CCSER2: variants seen among roughly 807,000 people sequenced by gnomAD.
The protein encoded by CCSER2 is serine-rich coiled-coil domain-containing protein 2.
A neutral mutation model predicts 92.3 loss-of-function variants in CCSER2; 46 were observed. The ratio of observed to expected loss-of-function variants is 0.50; its 90% CI spans 0.39 to 0.64. The LOEUF (loss-of-function observed/expected upper bound fraction) is 0.64, where lower values mean the gene tolerates loss of function less well. Ranked by LOEUF, CCSER2 falls within the 30% of genes least tolerant of loss-of-function variation. The pLI, the probability that CCSER2 is intolerant of heterozygous loss-of-function variation, is 0.00. For synonymous variants in CCSER2, 433 were observed against 431.4 expected (o/e 1.00, Z -0.04); for missense variants, 1,244 against 1,238.9 (o/e 1.00, Z -0.06).
Position 84,396,843 on chromosome 10 carries a change from A to G in CCSER2, c.1615-20928A>G, listed in dbSNP as rs539953329. Among the ~76,000 whole-genome samples, 17 of 152,160 alleles carry G rather than the reference A, an allele frequency of 1.1e-4. No homozygotes were observed. The South Asian group carries it at 2.9e-3, about 26-fold the overall frequency. ...TGAGCCACCACACCTGGCCGAGATC[A>G]TCCTTATTCTTTTTGTACCGCTGTA... is the stretch of plus-strand genomic sequence containing the variant. On this transcript the variant is annotated intron_variant, in intron 3 of 9. Coordinates refer to ENST00000372088, the MANE Select transcript of CCSER2 (RefSeq NM_001284240.2).
At chr10:84,445,269 T>G (rs575558844) in intron 6 of CCSER2, among the ~76,000 whole-genome samples, 1 of 152,294 alleles carries the variant, frequency 6.6e-6, no homozygotes, top group Admixed American at 6.5e-5. Flanking sequence ...TTCTTCTGCC[T>G]CAGCCTCCTG....
rs1564684881 is a variant in CCSER2 at position 84,457,301 on chromosome 10, A to AATATATT, written c.2065-6628_2065-6627insATTATAT. On this transcript the variant is annotated intron_variant, in intron 6 of 9. Transcript: ENST00000372088. ...ATATTATATATTATATATTATATATAATATGTTATATATAATATATTATAT... is the reference window on the plus strand; with the variant it reads ...ATATTATATATTATATATTATATATAATATATTATATGTTATATATAATATATTATAT... 2.4e-3 allele frequency among the ~76,000 whole-genome samples: 130 copies of AATATATT among 53,254 alleles called. 1 individual carries two copies. Among genetic ancestry groups the AATATATT allele is most frequent in the South Asian group, 3.9e-3 (8 of 2,040 alleles). 34.9% of individuals were successfully genotyped at this position (53,254 alleles called of 152,430 possible). A position where few individuals can be genotyped will look rare whatever the true frequency, so the allele number is the denominator to read the frequency against.
chr10:84,441,196 AC>A (rs1302746270), intron 6 of CCSER2, among the ~76,000 whole-genome samples: 13 of 152,006 alleles, frequency 8.6e-5, no homozygotes, highest in African/African-American at 3.1e-4. Context: ...GAATCTCCTT[AC>A]CTTTTTATTT....
intron 3 of CCSER2, among the ~76,000 whole-genome samples, chr10:84,404,048 T>C (rs1352376791): frequency 6.6e-6 from 1 of 152,218 alleles, no homozygotes; most frequent in East Asian, 1.9e-4. Context: ...CTTGATTTTC[T>C]GGTCCAGATC....
chr10:84,449,862 CA>C (rs1214964878), intron 6 of CCSER2, among the ~76,000 whole-genome samples: 4 of 152,104 alleles, frequency 2.6e-5, no homozygotes, highest in Non-Finnish European at 5.9e-5. Flanking sequence ...ACAAAACAAA[CA>C]AACAAAAAAC....
intron 1 of CCSER2, among the ~76,000 whole-genome samples, chr10:84,342,183 A>C (rs74778456): frequency 0.026 from 3,943 of 152,266 alleles, 157 homozygotes; most frequent in African/African-American, 0.088. Flanking sequence ...AGCAGTCCTC[A>C]TTAGCATACA....
At chr10:84,402,972 A>T (rs1179316017) in intron 3 of CCSER2, among the ~76,000 whole-genome samples, 1 of 152,232 alleles carries the variant, frequency 6.6e-6, no homozygotes, top group East Asian at 1.9e-4. Context: ...TCTAAAATTT[A>T]TATAAAAAAG....
intron 9 of CCSER2, among the ~76,000 whole-genome samples, chr10:84,483,953 TTA>T (rs57427963): frequency 0.028 from 1,321 of 47,694 alleles, 6 homozygotes; most frequent in Non-Finnish European, 0.045. Flanking sequence ...CCCGGCTAAT[TTA>T]TATATATATA....
chr10:84,424,407 C>T (rs983963247), intron 4 of CCSER2, among the ~76,000 whole-genome samples: 2 of 152,010 alleles, frequency 1.3e-5, no homozygotes, highest in Non-Finnish European at 2.9e-5. Flanking sequence ...TATATTTCTT[C>T]TTCCTCAAGG....
At chr10:84,484,220 C>T (rs952498720) in intron 9 of CCSER2, among the ~76,000 whole-genome samples, 2 of 151,756 alleles carry the variant, frequency 1.3e-5, no homozygotes, top group Non-Finnish European at 2.9e-5. Context: ...TCGTGATCCA[C>T]CTGCCTCTGC....
At chr10:84,390,592 G>T (rs1439898342) in intron 3 of CCSER2, among the ~76,000 whole-genome samples, 1 of 152,170 alleles carries the variant, frequency 6.6e-6, no homozygotes, top group Non-Finnish European at 1.5e-5. Flanking sequence ...TAAGCAATAG[G>T]AATTTTTCAG....
chr10:84,330,944 C>T (rs1437591871), intron 1 of CCSER2, among the ~76,000 whole-genome samples: 1 of 152,174 alleles, frequency 6.6e-6, no homozygotes, highest in African/African-American at 2.4e-5. Context: ...GGATTACAGT[C>T]CAGGTCTTTT....
chr10:84,388,754 A>G (rs1841360254), intron 3 of CCSER2, among the ~76,000 whole-genome samples: 1 of 152,130 alleles, frequency 6.6e-6, no homozygotes. Flanking sequence ...TTAGATTCTC[A>G]TAAGGTGTGT....
chr10:84,356,632 A>T (rs1192207801), intron 1 of CCSER2, among the ~76,000 whole-genome samples: 1 of 152,228 alleles, frequency 6.6e-6, no homozygotes, highest in African/African-American at 2.4e-5. Flanking sequence ...TCTAAATTAG[A>T]ATACATTATT....
In CCSER2 at chr10:84,485,541, G is replaced by C. The variant is rs75246557; in HGVS notation, c.2325+7877G>C. Among the ~76,000 whole-genome samples the C allele has an allele frequency of 8.8e-3, 1,340 of 152,260 alleles. 17 individuals are homozygous for C. Among genetic ancestry groups the C allele is most frequent in the African/African-American group, 0.031 (1,269 of 41,548 alleles). On this transcript the variant is annotated intron_variant, in intron 9 of 9. Transcript: ENST00000372088. ...CCTGGAGATCCATTCAAGTAGTTGT[G>C]TGCATCAGTAGTTAGTTTCTTTTTA... is the stretch of plus-strand genomic sequence containing the variant.
intron 9 of CCSER2, among the ~76,000 whole-genome samples, chr10:84,502,128 TATAAA>T (rs1193109843): frequency 1.3e-5 from 2 of 151,148 alleles, no homozygotes; most frequent in African/African-American, 4.8e-5. Flanking sequence ...TTTTTTTAGT[TATAAA>T]ATATAGAAAA....
chr10:84,458,719 A>G (rs951719523), intron 6 of CCSER2, among the ~76,000 whole-genome samples: 3 of 152,130 alleles, frequency 2.0e-5, no homozygotes, highest in Admixed American at 1.3e-4. Context: ...ATACACACAC[A>G]TATATTCCTT....
At chr10:84,361,863 C>T (rs540257959) in intron 1 of CCSER2, among the ~76,000 whole-genome samples, 1 of 152,276 alleles carries the variant, frequency 6.6e-6, no homozygotes, top group East Asian at 1.9e-4. Flanking sequence ...TGGTCTTGAA[C>T]TCCCGACCTC....
intron 3 of CCSER2, among the ~76,000 whole-genome samples, chr10:84,390,377 T>C (rs1437669580): frequency 6.6e-6 from 1 of 152,206 alleles, no homozygotes; most frequent in Non-Finnish European, 1.5e-5. Context: ...TTACACAAAC[T>C]TAGAAGTTGT....
Sources: gnomAD v4.1 joint callset for allele counts (sites outside exome capture counted in the v4.1 genomes callset) on GRCh38, gnomAD v4.1.1 for gene constraint, MANE v1.5 for transcripts, NCBI Gene and HGNC (gene_info 2026-07-23, HGNC 2026-07-21) for gene names.